Variants in CNBD1 observed in about 807,000 individuals in gnomAD.
CNBD1 encodes the protein cyclic nucleotide binding domain containing 1.
Under a neutral mutation model 54.4 loss-of-function variants are expected in CNBD1, and 71 were observed. That is an observed-to-expected ratio of 1.30 (90% confidence interval 1.08 to 1.59). CNBD1 has a LOEUF of 1.59. Among genes scored for constraint, CNBD1 ranks in the 40% most tolerant of loss-of-function variants. The pLI is 0.00. For missense variants in CNBD1, 659 were observed against 518.0 expected, an observed-to-expected ratio of 1.27 and a Z score of -2.64; for synonymous variants, 182 against 170.7, an observed-to-expected ratio of 1.07 and a Z score of -0.51.
intron 4 of CNBD1, among the ~76,000 whole-genome samples, chr8:87,031,028 C>T (rs1209110934): frequency 2.7e-5 from 4 of 147,840 alleles, no homozygotes; most frequent in African/African-American, 1.0e-4. Context: ...TCCAGAAGCC[C>T]TCTTCACCAA....
intron 4 of CNBD1, among the ~76,000 whole-genome samples, chr8:87,195,914 C>T (rs916232125): frequency 6.6e-6 from 1 of 152,142 alleles, no homozygotes; most frequent in African/African-American, 2.4e-5. Flanking sequence ...CTGATTTCTT[C>T]CCTTGCTTGT....
At chr8:86,904,861 GACATTATCAT>G (rs1031750562) in intron 2 of CNBD1, among the ~76,000 whole-genome samples, 8 of 151,978 alleles carry the variant, frequency 5.3e-5, no homozygotes, top group South Asian at 4.1e-4. Flanking sequence ...TTTTGACATT[GACATTATCAT>G]ACATTATCAT....
chr8:86,978,009 A>C (rs1050018526), intron 4 of CNBD1, among the ~76,000 whole-genome samples: 1 of 152,128 alleles, frequency 6.6e-6, no homozygotes, highest in Non-Finnish European at 1.5e-5. Context: ...ACTAAACTCA[A>C]CAGTACATTA....
intron 4 of CNBD1, among the ~76,000 whole-genome samples, chr8:87,177,134 A>G (rs1038771547): frequency 1.3e-5 from 2 of 152,174 alleles, no homozygotes; most frequent in Admixed American, 6.5e-5. Context: ...GAAAAATTTA[A>G]AGGTTATTCA....
chr8:87,092,355 G>T (rs1289387893), intron 4 of CNBD1, among the ~76,000 whole-genome samples: 1 of 150,982 alleles, frequency 6.6e-6, no homozygotes, highest in Non-Finnish European at 1.5e-5. Context: ...GTGTGTGTGT[G>T]TGTGTGTGTG....
intron 4 of CNBD1, among the ~76,000 whole-genome samples, chr8:86,944,708 C>A (rs1030662831): frequency 6.6e-6 from 1 of 152,134 alleles, no homozygotes; most frequent in African/African-American, 2.4e-5. Flanking sequence ...TAGCCAGGGA[C>A]CAGATTATCA....
intron 4 of CNBD1, among the ~76,000 whole-genome samples, chr8:86,959,737 G>T (rs1807878732): frequency 1.3e-5 from 2 of 152,204 alleles, no homozygotes; most frequent in South Asian, 4.1e-4. Flanking sequence ...GTTTATTCTA[G>T]TTAGCCATTC....
chr8:87,347,939 T>G (rs1392932913), intron 8 of CNBD1, among the ~76,000 whole-genome samples: 1 of 152,220 alleles, frequency 6.6e-6, no homozygotes, highest in East Asian at 1.9e-4. Flanking sequence ...GTAAGTTCTT[T>G]GGAAGTCTCT....
intron 6 of CNBD1, among the ~76,000 whole-genome samples, chr8:87,246,193 C>A (rs1291221904): frequency 6.6e-6 from 1 of 152,080 alleles, no homozygotes; most frequent in East Asian, 1.9e-4. Flanking sequence ...ATAATTTTTA[C>A]TCTGGCAAAC....
intron 4 of CNBD1, among the ~76,000 whole-genome samples, chr8:87,013,491 T>C (rs188380079): frequency 2.3e-4 from 35 of 152,200 alleles, no homozygotes; most frequent in African/African-American, 7.9e-4. Flanking sequence ...ACTGTAGAGT[T>C]TCTATTCTAA....
intron 4 of CNBD1, among the ~76,000 whole-genome samples, chr8:87,108,580 T>G (rs539247956): frequency 1.3e-5 from 2 of 152,342 alleles, no homozygotes; most frequent in East Asian, 3.9e-4. Flanking sequence ...AATTTGCTCT[T>G]GAAATTTTCC....
intron 4 of CNBD1, among the ~76,000 whole-genome samples, chr8:87,074,887 C>T (rs1048320045): frequency 1.3e-5 from 2 of 152,172 alleles, no homozygotes; most frequent in African/African-American, 4.8e-5. Flanking sequence ...TTGCAGAAAC[C>T]ACTAGTTTCA....
At chr8:87,138,741 G>T (rs1471141900) in intron 4 of CNBD1, among the ~76,000 whole-genome samples, 1 of 152,160 alleles carries the variant, frequency 6.6e-6, no homozygotes, top group African/African-American at 2.4e-5. Flanking sequence ...CTTGGGGACT[G>T]TTGTCCACTG....
At chr8:86,967,036 G>A (rs1808095790) in intron 4 of CNBD1, among the ~76,000 whole-genome samples, 1 of 152,160 alleles carries the variant, frequency 6.6e-6, no homozygotes, top group South Asian at 2.1e-4. Flanking sequence ...ACTGATTGGT[G>A]CATTTACAAT....
chr8:87,134,210 A>T (rs1008535073), intron 4 of CNBD1, among the ~76,000 whole-genome samples: 4 of 152,192 alleles, frequency 2.6e-5, no homozygotes, highest in Non-Finnish European at 5.9e-5. Flanking sequence ...TTGACTGTCA[A>T]ATTGATGATT....
At chr8:87,114,049 G>A (rs538444527) in intron 4 of CNBD1, among the ~76,000 whole-genome samples, 1 of 152,146 alleles carries the variant, frequency 6.6e-6, no homozygotes, top group African/African-American at 2.4e-5. Context: ...TTTAAAATGA[G>A]GTATTATATA....
At chr8:87,149,757 A>G (rs1394688455) in intron 4 of CNBD1, among the ~76,000 whole-genome samples, 4 of 152,156 alleles carry the variant, frequency 2.6e-5, no homozygotes, top group Non-Finnish European at 4.4e-5. Context: ...TAGAAAAAAA[A>G]TAGTTTAAAT....
chr8:87,054,943 G>A (rs1351520231), intron 4 of CNBD1, among the ~76,000 whole-genome samples: 1 of 152,186 alleles, frequency 6.6e-6, no homozygotes, highest in Non-Finnish European at 1.5e-5. Flanking sequence ...ACTGACTGAT[G>A]GGCCAGTGTG....
intron 6 of CNBD1, among the ~76,000 whole-genome samples, chr8:87,278,384 A>C (rs1301647137): frequency 6.6e-6 from 1 of 151,578 alleles, no homozygotes; most frequent in African/African-American, 2.4e-5. Context: ...AGACACATTA[A>C]AATTAAACTA....
Sources: gnomAD v4.1 joint callset for allele counts (sites outside exome capture counted in the v4.1 genomes callset) on GRCh38, gnomAD v4.1.1 for gene constraint, MANE v1.5 for transcripts, NCBI Gene and HGNC (gene_info 2026-07-23, HGNC 2026-07-21) for gene names.